The following VSTM4 variants were observed in gnomAD, a reference collection of about 807,000 sequenced individuals.
VSTM4 encodes V-set and transmembrane domain-containing protein 4.
In VSTM4, 20 loss-of-function variants were observed where a neutral mutation model predicts 36.4. The ratio of observed to expected loss-of-function variants is 0.55; its 90% confidence interval spans 0.39 to 0.80. The LOEUF is 0.80. Among genes scored for constraint, VSTM4 ranks in the 30% least tolerant of loss-of-function variants. The pLI, the probability that VSTM4 is intolerant of heterozygous loss-of-function variation, is 0.00. For missense variants in VSTM4, 392 were observed against 404.5 expected, an observed-to-expected ratio of 0.97 and a Z score of 0.26; for synonymous variants, 182 against 173.9, an observed-to-expected ratio of 1.05 and a Z score of -0.37.
At position 49,115,476 on chromosome 10, in the gene VSTM4, G is replaced by A. The variant is rs1295474613; in HGVS notation, c.10C>T (p.Leu4=). Residue 4 remains leucine, a synonymous_variant, in exon 1 of 8, where the codon CTG becomes TTG. Coordinates refer to ENST00000332853, the MANE Select transcript of VSTM4 (RefSeq NM_001031746.5). The part of the protein sequence containing the change: MRL[L]ALAAAALLAR... ...AGCAGCGCGGCCGCCGCCAGTGCCA[G>A]CAGCCGCATCTCCCCGCCGCCGCCC... 9.7e-7 allele frequency: 1 copy of A among 1,028,778 alleles called. No individual in the cohort carries two copies. Among genetic ancestry groups the A allele is most frequent in the Non-Finnish European group, 1.2e-6 (1 of 855,000 alleles). 63.7% of individuals were successfully genotyped at this position (1,028,778 alleles called of 1,614,324 possible).
At chr10:49,089,954 C>A (rs1844442611) in intron 2 of VSTM4, among the ~76,000 whole-genome samples, 1 of 152,232 alleles carries the variant, frequency 6.6e-6, no homozygotes, top group African/African-American at 2.4e-5. Flanking sequence ...AAATACTCTG[C>A]CCTCCTCAGC....
At chr10:49,055,010 C>T (rs933343695) in intron 5 of VSTM4, among the ~76,000 whole-genome samples, 1 of 152,188 alleles carries the variant, frequency 6.6e-6, no homozygotes, top group African/African-American at 2.4e-5. Context: ...AATCTTATTC[C>T]TTCTTGAATG....
intron 7 of VSTM4, among the ~76,000 whole-genome samples, chr10:49,023,698 A>G (rs1843214793): frequency 6.6e-6 from 1 of 152,218 alleles, no homozygotes; most frequent in African/African-American, 2.4e-5. Flanking sequence ...ATCTCTAAAA[A>G]TGAATGAGGA....
At chr10:49,050,583 C>A (rs1026162871) in intron 5 of VSTM4, among the ~76,000 whole-genome samples, 1 of 152,088 alleles carries the variant, frequency 6.6e-6, no homozygotes, top group African/African-American at 2.4e-5. Flanking sequence ...AGTACAGGGT[C>A]AATTGTGTAA....
At chr10:49,080,068 T>G (rs957006825) in intron 3 of VSTM4, among the ~76,000 whole-genome samples, 3 of 152,264 alleles carry the variant, frequency 2.0e-5, no homozygotes, top group Admixed American at 1.3e-4. Flanking sequence ...AAAGTGTTTC[T>G]ACCTGTTCCC....
At chr10:49,051,682 C>T (rs1489906415) in intron 5 of VSTM4, among the ~76,000 whole-genome samples, 1 of 152,202 alleles carries the variant, frequency 6.6e-6, no homozygotes, top group Non-Finnish European at 1.5e-5. Flanking sequence ...AGGCATGAGC[C>T]ACTGCTCCCA....
At chr10:49,034,692 T>C (rs1354809636) in intron 7 of VSTM4, among the ~76,000 whole-genome samples, 1 of 152,202 alleles carries the variant, frequency 6.6e-6, no homozygotes, top group East Asian at 1.9e-4. Flanking sequence ...ACAGATATGT[T>C]GATGATGTTT....
intron 7 of VSTM4, among the ~76,000 whole-genome samples, chr10:49,044,495 AAAG>A (rs1450838470): frequency 9.4e-4 from 143 of 151,750 alleles, no homozygotes; most frequent in African/African-American, 3.3e-3. Context: ...AAATTAAAGA[AAAG>A]AAGGAAGGAA....
At chr10:49,056,390 G>C (rs1767678911) in intron 5 of VSTM4, among the ~76,000 whole-genome samples, 2 of 152,248 alleles carry the variant, frequency 1.3e-5, no homozygotes, top group Admixed American at 1.3e-4. Context: ...GCAGGGAGAG[G>C]TGACTCCTCA....
At chr10:49,054,092 G>A (rs1590089841) in intron 5 of VSTM4, among the ~76,000 whole-genome samples, 2 of 152,208 alleles carry the variant, frequency 1.3e-5, no homozygotes, top group South Asian at 2.1e-4. Flanking sequence ...GCCTCAGAGA[G>A]ATCAGGTCCT....
At chr10:49,059,221 T>C (rs1843833499) in intron 5 of VSTM4, among the ~76,000 whole-genome samples, 2 of 152,190 alleles carry the variant, frequency 1.3e-5, no homozygotes, top group East Asian at 3.9e-4. Flanking sequence ...AGCAGGGTCC[T>C]GGGATGGAGG....
chr10:49,053,631 G>A (rs1249930890), intron 5 of VSTM4, among the ~76,000 whole-genome samples: 2 of 152,342 alleles, frequency 1.3e-5, no homozygotes, highest in East Asian at 1.9e-4. Context: ...CAGGGTACAG[G>A]TGCAGTGTAG....
intron 7 of VSTM4, among the ~76,000 whole-genome samples, chr10:49,039,447 G>C (rs573963088): frequency 6.6e-6 from 1 of 152,280 alleles, no homozygotes; most frequent in African/African-American, 2.4e-5. Flanking sequence ...GGATGGATTG[G>C]AGTGAGAAGA....
At chr10:49,035,032 G>A (rs1447907926) in intron 7 of VSTM4, among the ~76,000 whole-genome samples, 2 of 152,232 alleles carry the variant, frequency 1.3e-5, no homozygotes, top group Admixed American at 1.3e-4. Context: ...CTGCTCTGCA[G>A]GGAGGGACAG....
chr10:49,054,360 C>T (rs1261453605), intron 5 of VSTM4, among the ~76,000 whole-genome samples: 4 of 152,262 alleles, frequency 2.6e-5, no homozygotes, highest in Non-Finnish European at 5.9e-5. Context: ...GGGGAACCCA[C>T]AGCACTGTTG....
At position 49,115,492 on chromosome 10, in the gene VSTM4, G is replaced by A. The variant is rs1844980754; in HGVS notation, c.-7C>T. ...CCAGTGCCAGCAGCCGCATCTCCCC[G>A]CCGCCGCCCGGCGCTGTGACGCGGG... On this transcript the variant is annotated 5_prime_UTR_variant, in exon 1 of 8. Transcript: ENST00000332853. 4.0e-6 allele frequency: 4 copies of A among 1,001,284 alleles called. No homozygotes were observed. The highest frequency in any genetic ancestry group is 4.8e-6 in the Non-Finnish European group (4 of 841,672). The allele number at this position is 1,001,284 out of a possible 1,614,324, so 62.0% of individuals were successfully genotyped here.
chr10:49,103,919 G>A lies in VSTM4; in HGVS notation c.457+3675C>T, dbSNP rs1233741655. On this transcript the variant is annotated intron_variant, in intron 2 of 7. Transcript: ENST00000332853. ...AGACAAGAGAGACCACGGGCCTGGG[G>A]TGGGGGGCACTCAAACCCCCAAGAG... 2.0e-6 allele frequency: 3 copies of A among 1,477,550 alleles called. No homozygotes were observed. In the African/African-American group the frequency reaches 4.2e-5, roughly 21 times the overall value. The allele number at this position is 1,477,550 out of a possible 1,614,324, so 91.5% of individuals were successfully genotyped here.
chr10:49,107,664 G>A lies in VSTM4; in HGVS notation c.387C>T (p.Val129=). Residue 129 remains valine, a synonymous_variant, in exon 2 of 8, where the codon GTC becomes GTT. Coordinates refer to ENST00000332853, the MANE Select transcript of VSTM4 (RefSeq NM_001031746.5). Reference sequence around the variant, plus strand: ...TGTTCCTGTGCCTGCTGATTTCCTGGACTCTGCAGACGTAATGCCCTTGAT... The same window carrying A: ...TGTTCCTGTGCCTGCTGATTTCCTGAACTCTGCAGACGTAATGCCCTTGAT... ...PSDQGHYVCR[V]QEISRHRNKW... 6.2e-7 allele frequency: 1 copy of A among 1,614,182 alleles called. No homozygotes were observed. The highest frequency in any genetic ancestry group is 8.5e-7 in the Non-Finnish European group (1 of 1,179,984).
At chr10:49,030,777 C>T (rs1324497994) in intron 7 of VSTM4, among the ~76,000 whole-genome samples, 5 of 152,180 alleles carry the variant, frequency 3.3e-5, no homozygotes, top group East Asian at 1.9e-4. Flanking sequence ...CCTTCGGGAG[C>T]CTGCTAAATC....
Sources: allele counts gnomAD v4.1 joint callset (sites outside exome capture counted in the v4.1 genomes callset), GRCh38; gene constraint gnomAD v4.1.1; transcripts MANE v1.5; gene names NCBI Gene and HGNC (gene_info 2026-07-23, HGNC 2026-07-21).